ELP3: variants seen among roughly 807,000 people sequenced by gnomAD.
ELP3 encodes elongator complex protein 3.
Under a neutral mutation model 74.9 loss-of-function variants are expected in ELP3, and 56 were observed. That is an observed-to-expected ratio of 0.75 (90% CI 0.60 to 0.93). The LOEUF (loss-of-function observed/expected upper bound fraction) is 0.93. Among genes scored for constraint, ELP3 ranks in the 40% least tolerant of loss-of-function variants. The probability of loss-of-function intolerance (pLI) is 0.00; values close to 1 mark genes in which losing one functional copy is unlikely to be tolerated. For synonymous variants in ELP3, 222 were observed against 239.8 expected, an observed-to-expected ratio of 0.93 and a Z score of 0.68; for missense variants, 573 against 686.5, an observed-to-expected ratio of 0.83 and a Z score of 1.85.
chr8:28,090,904 C>CTTT (rs71222535), upstream of ELP3, among the ~76,000 whole-genome samples: 4 of 77,388 alleles, frequency 5.2e-5, no homozygotes, highest in Admixed American at 1.8e-4. Flanking sequence ...TAAATGTTTC[C>CTTT]TTTTTTTTTT....
At chr8:28,164,048 C>G (rs775401073) in intron 14 of ELP3, among the ~76,000 whole-genome samples, 10 of 152,192 alleles carry the variant, frequency 6.6e-5, no homozygotes, top group Non-Finnish European at 1.5e-4. Context: ...TGATAATAGT[C>G]AAGTGACTTT....
chr8:28,111,271 T>A (rs1410345927), intron 6 of ELP3, among the ~76,000 whole-genome samples: 1 of 152,216 alleles, frequency 6.6e-6, no homozygotes. Flanking sequence ...AAATTATACC[T>A]CAGTATGGTT....
At chr8:28,183,819 A>G (rs1300894501) in intron 14 of ELP3, among the ~76,000 whole-genome samples, 2 of 152,230 alleles carry the variant, frequency 1.3e-5, no homozygotes, top group Non-Finnish European at 2.9e-5. Flanking sequence ...GGGATTTGGC[A>G]GAACCCCACG....
intron 3 of ELP3, among the ~76,000 whole-genome samples, chr8:28,102,221 G>T (rs1811517928): frequency 6.6e-6 from 1 of 152,090 alleles, no homozygotes; most frequent in Admixed American, 6.6e-5. Flanking sequence ...TGTCAGTTAG[G>T]CATCTGTCCT....
At chr8:28,112,455 C>T (rs1304627037) in intron 6 of ELP3, 1 of 152,142 alleles carries the variant, frequency 6.6e-6, no homozygotes, top group Non-Finnish European at 1.5e-5. Flanking sequence ...TTTAATCAGA[C>T]TTTCACTTTT....
intron 13 of ELP3, among the ~76,000 whole-genome samples, chr8:28,161,782 G>A (rs1814102250): frequency 6.6e-6 from 1 of 152,182 alleles, no homozygotes; most frequent in Non-Finnish European, 1.5e-5. Flanking sequence ...CCTTTTGGTA[G>A]TTCTTGTTCA....
At chr8:28,093,281 G>T in intron 1 of ELP3, 48 bp downstream of exon 1, 1 of 1,608,068 alleles carries the variant, frequency 6.2e-7, no homozygotes, top group South Asian at 1.1e-5. Context: ...CGAAAGGGGC[G>T]AACGCCCAGG....
At chr8:28,151,550 T>A (rs539307694) in intron 10 of ELP3, among the ~76,000 whole-genome samples, 10 of 152,236 alleles carry the variant, frequency 6.6e-5, no homozygotes, top group Non-Finnish European at 1.3e-4. Context: ...TTGCTGTAAA[T>A]AGGCTTATAG....
intron 7 of ELP3, among the ~76,000 whole-genome samples, chr8:28,120,393 A>G (rs983969584): frequency 4.6e-5 from 7 of 152,216 alleles, no homozygotes; most frequent in Admixed American, 2.6e-4. Flanking sequence ...TTTGTGAAGT[A>G]TCTATTAAAA....
chr8:28,135,871 T>G (rs1265299318), intron 9 of ELP3, among the ~76,000 whole-genome samples: 3 of 152,166 alleles, frequency 2.0e-5, no homozygotes, highest in Non-Finnish European at 2.9e-5. Flanking sequence ...TTTGAAGAAT[T>G]TGTTGCCATC....
At chr8:28,153,460 A>G (rs928923491) in intron 10 of ELP3, among the ~76,000 whole-genome samples, 5 of 152,224 alleles carry the variant, frequency 3.3e-5, no homozygotes, top group African/African-American at 1.2e-4. Context: ...TCTGTGTGCC[A>G]GTGAAAAGAG....
At chr8:28,106,686 G>A (rs1181107125) in intron 3 of ELP3, 27 bp from the exon 4 acceptor site, 2 of 1,598,008 alleles carry the variant, frequency 1.3e-6, no homozygotes, top group Non-Finnish European at 8.6e-7. Flanking sequence ...TCCTATAATA[G>A]CTTTTTTATT....
At chr8:28,173,246 G>A (rs575850971) in intron 14 of ELP3, among the ~76,000 whole-genome samples, 19 of 152,002 alleles carry the variant, frequency 1.2e-4, no homozygotes, top group South Asian at 4.1e-4. Flanking sequence ...TAGTAAAGTC[G>A]TCTGATTTTG....
Position 28,132,477 on chromosome 8 carries a change from G to A in ELP3, c.906+73G>A. On this transcript the variant is annotated intron_variant, in intron 9 of 14. Coordinates refer to ENST00000256398, the MANE Select transcript of ELP3 (RefSeq NM_018091.6). ...CTTATCCCATCTGGTCTTGTTGCTTGTTCACTGTTGATGTTTTCCAGTGTT... is the reference window on the plus strand; with the variant it reads ...CTTATCCCATCTGGTCTTGTTGCTTATTCACTGTTGATGTTTTCCAGTGTT... The A allele has an allele frequency of 4.4e-6, 7 of 1,588,992 alleles. No homozygotes were observed. In the East Asian group the frequency reaches 1.1e-4, roughly 25 times the overall value.
chr8:28,109,514 C>T (rs1811830133), intron 5 of ELP3, among the ~76,000 whole-genome samples: 1 of 152,184 alleles, frequency 6.6e-6, no homozygotes, highest in Admixed American at 6.5e-5. Flanking sequence ...ACACAGCATA[C>T]ACAGGTTGCC....
chr8:28,112,140 A>G (rs966525514), intron 6 of ELP3, among the ~76,000 whole-genome samples: 3 of 151,814 alleles, frequency 2.0e-5, no homozygotes, highest in Non-Finnish European at 4.4e-5. Flanking sequence ...ACCTAATTTT[A>G]TTATTATTAT....
At chr8:28,160,973 G>A (rs1336489490) in intron 13 of ELP3, among the ~76,000 whole-genome samples, 1 of 152,150 alleles carries the variant, frequency 6.6e-6, no homozygotes, top group East Asian at 1.9e-4. Flanking sequence ...GAGATTACAG[G>A]CATGAGCTAC....
intron 3 of ELP3, among the ~76,000 whole-genome samples, chr8:28,100,848 T>C (rs1055954800): frequency 2.0e-5 from 3 of 152,138 alleles, no homozygotes; most frequent in African/African-American, 4.8e-5. Flanking sequence ...GTGAGATACA[T>C]GCACAGAAAT....
intron 7 of ELP3, among the ~76,000 whole-genome samples, chr8:28,119,453 T>G (rs1339152394): frequency 6.6e-6 from 1 of 151,564 alleles, no homozygotes; most frequent in African/African-American, 2.4e-5. Flanking sequence ...GTAAGTTGTA[T>G]GCTTCAGTAC....
Sources: gnomAD v4.1 joint callset for allele counts (sites outside exome capture counted in the v4.1 genomes callset) on GRCh38, gnomAD v4.1.1 for gene constraint, MANE v1.5 for transcripts, NCBI Gene and HGNC (gene_info 2026-07-23, HGNC 2026-07-21) for gene names.